Variants in FMN2 observed in about 807,000 individuals in gnomAD.
FMN2 encodes formin 2, also known as formin-2.
Under a neutral mutation model 142.3 loss-of-function variants are expected in FMN2, and 51 were observed. The ratio of observed to expected loss-of-function variants is 0.36; its 90% CI spans 0.29 to 0.45. FMN2 has a LOEUF of 0.45. FMN2 is among the 20% of genes least tolerant of loss of function. The pLI is 1.00. For synonymous variants in FMN2, 882 were observed against 869.8 expected, an observed-to-expected ratio of 1.01 and a Z score of -0.25; for missense variants, 1,936 against 2,122.8, an observed-to-expected ratio of 0.91 and a Z score of 1.73.
At chr1:240,319,226 G>A (rs1292126790) in intron 8 of FMN2, among the ~76,000 whole-genome samples, 1 of 152,140 alleles carries the variant, frequency 6.6e-6, no homozygotes, top group Admixed American at 6.6e-5. Flanking sequence ...AGGATGTAAG[G>A]TTGCCTAGTC....
intron 14 of FMN2, among the ~76,000 whole-genome samples, chr1:240,358,819 C>T (rs934725144): frequency 6.6e-6 from 1 of 152,082 alleles, no homozygotes; most frequent in African/African-American, 2.4e-5. Context: ...GGACACAAAG[C>T]CTAGCCATAT....
intron 14 of FMN2, among the ~76,000 whole-genome samples, chr1:240,359,067 G>A (rs1384640944): frequency 1.3e-5 from 2 of 152,134 alleles, no homozygotes; most frequent in Non-Finnish European, 2.9e-5. Context: ...AGAGGTTGCA[G>A]TGAGCCGAGA....
At position 240,473,235 on chromosome 1, in the gene FMN2, G is replaced by C. The variant is rs1312382743; in HGVS notation, c.5142+782G>C. On this transcript the variant is annotated intron_variant, in intron 17 of 17. Transcript: ENST00000319653. This position sits in a 1 kb window ranked among gnomAD's most constrained non-coding sequence, Gnocchi z 4.3. ...TGGCTCGGCAGAGTTGGCTGCCGGA[G>C]AGTGGTCAGTCCAGAGACGGAGTTT... 1.3e-5 allele frequency among the ~76,000 whole-genome samples: 2 copies of C among 152,174 alleles called. No individual in the cohort carries two copies. Among genetic ancestry groups the C allele is most frequent in the Non-Finnish European group, 2.9e-5 (2 of 68,036 alleles).
In FMN2 at chr1:240,135,662, G is replaced by A. The variant is rs536135508; in HGVS notation, c.1782+12317G>A. Among the ~76,000 whole-genome samples the A allele has an allele frequency of 3.3e-5, 5 of 150,584 alleles. No homozygotes were observed. The South Asian group carries it at 6.3e-4, about 19-fold the overall frequency. On this transcript the variant is annotated intron_variant, in intron 2 of 17. Transcript: ENST00000319653. ...TAATTCTCTGGAATCTATCATTTTC[G>A]AAAGGACTTTGTCATGTTTCTTTTT...
rs530703429 is a variant in FMN2, at chr1:240,279,418, C to CA, written c.4154-15400dup. On this transcript the variant is annotated intron_variant, in intron 7 of 17. Coordinates refer to ENST00000319653, the MANE Select transcript of FMN2 (RefSeq NM_020066.5). Reference sequence around the variant, plus strand: ...AGGAAGAGGTTGGGGTTGGGAAAAGCAAAACTGATAATCTCCTTTGTGAAG... The same window carrying CA: ...AGGAAGAGGTTGGGGTTGGGAAAAGCAAAAACTGATAATCTCCTTTGTGAAG... Among the ~76,000 whole-genome samples, 101 of 152,168 alleles carry CA rather than the reference C, an allele frequency of 6.6e-4. 1 individual carries two copies. Among genetic ancestry groups the CA allele is most frequent in the African/African-American group, 2.4e-3 (101 of 41,522 alleles).
At chr1:240,116,283 C>T (rs551824229) in intron 1 of FMN2, among the ~76,000 whole-genome samples, 2 of 152,158 alleles carry the variant, frequency 1.3e-5, no homozygotes, top group Non-Finnish European at 2.9e-5. Flanking sequence ...AGGTATGGGG[C>T]CCCTTCTTCC....
chr1:240,317,186 C>T (rs113857003), intron 8 of FMN2, among the ~76,000 whole-genome samples: 15,556 of 151,882 alleles, frequency 0.1, 970 homozygotes, highest in African/African-American at 0.17. Context: ...TGTGGTGGCA[C>T]GCACCTGTAG....
At chr1:240,309,786 A>G (rs1670541090) in intron 8 of FMN2, among the ~76,000 whole-genome samples, 1 of 152,098 alleles carries the variant, frequency 6.6e-6, no homozygotes, top group African/African-American at 2.4e-5. Flanking sequence ...TCTCGGATTC[A>G]GTTCTAGAAG....
chr1:240,117,046 C>T (rs1662052403), intron 1 of FMN2, among the ~76,000 whole-genome samples: 1 of 151,724 alleles, frequency 6.6e-6, no homozygotes, highest in Admixed American at 6.6e-5. Flanking sequence ...GTTTGTGTTT[C>T]AGGAGAGAAG....
intron 5 of FMN2, among the ~76,000 whole-genome samples, chr1:240,210,541 C>G (rs947300281): frequency 5.9e-5 from 9 of 152,150 alleles, no homozygotes; most frequent in African/African-American, 2.2e-4. Context: ...GTCATTTTCT[C>G]TAGATATGAC....
chr1:240,244,645 A>G (rs749556089), intron 6 of FMN2, among the ~76,000 whole-genome samples: 82 of 152,202 alleles, frequency 5.4e-4, no homozygotes, highest in Non-Finnish European at 1.0e-3. Flanking sequence ...CAGTTCAACC[A>G]TTATTCAAAT....
chr1:240,364,682 G>A (rs768919599), intron 14 of FMN2, among the ~76,000 whole-genome samples: 3 of 152,084 alleles, frequency 2.0e-5, no homozygotes, highest in Non-Finnish European at 4.4e-5. Context: ...ATTCCATATG[G>A]GAGTCCCTAA....
chr1:240,229,044 C>A lies in FMN2; in HGVS notation c.4065+17809C>A, dbSNP rs569455666. On this transcript the variant is annotated intron_variant, in intron 6 of 17. Transcript: ENST00000319653. ...CTGGGGGATTCTGGTGACTTTCGGA[C>A]ACAGTCACCAGAATCCCCCAGAGAC... 2.3e-3 allele frequency among the ~76,000 whole-genome samples: 347 copies of A among 151,818 alleles called. 1 individual carries two copies. Among genetic ancestry groups the A allele is most frequent in the Middle Eastern group, 0.017 (5 of 294 alleles).
At chr1:240,151,272 T>C (rs1204145833) in intron 2 of FMN2, among the ~76,000 whole-genome samples, 1 of 152,198 alleles carries the variant, frequency 6.6e-6, no homozygotes, top group Non-Finnish European at 1.5e-5. Context: ...TCAGTGCCCA[T>C]TCTAAGCACC....
chr1:240,432,054 T>C (rs1675197328), intron 15 of FMN2, among the ~76,000 whole-genome samples: 1 of 152,014 alleles, frequency 6.6e-6, no homozygotes, highest in Non-Finnish European at 1.5e-5. Flanking sequence ...TTGGCTTTAT[T>C]TCTTCATCAA....
intron 5 of FMN2, 145 bp downstream of exon 5, chr1:240,208,877 A>G: frequency 9.5e-7 from 1 of 1,052,026 alleles, no homozygotes; most frequent in Non-Finnish European, 1.3e-6. Flanking sequence ...TATATAGTGC[A>G]GCAGTTTGCT....
At chr1:240,426,439 GAT>G (rs1264205131) in intron 15 of FMN2, among the ~76,000 whole-genome samples, 2 of 152,104 alleles carry the variant, frequency 1.3e-5, no homozygotes, top group Non-Finnish European at 2.9e-5. Flanking sequence ...CATTTTAAAA[GAT>G]GTGTATAGCT....
intron 8 of FMN2, among the ~76,000 whole-genome samples, chr1:240,296,197 T>TA (rs1669971768): frequency 7.2e-6 from 1 of 139,780 alleles, no homozygotes; most frequent in African/African-American, 2.6e-5. Context: ...GTAGTACTTT[T>TA]TTTTTTTTTT....
At chr1:240,329,569 C>T (rs2103013945) in intron 10 of FMN2, 101 bp downstream of exon 10, 1 of 1,445,156 alleles carries the variant, frequency 6.9e-7, no homozygotes, top group Non-Finnish European at 9.3e-7. Flanking sequence ...TCTAAGTACT[C>T]ACCAAATTTG....
Sources: gnomAD v4.1 joint callset for allele counts (sites outside exome capture counted in the v4.1 genomes callset) on GRCh38, gnomAD v4.1.1 for gene constraint, Gnocchi (gnomAD v3.1) non-coding constraint, MANE v1.5 for transcripts, NCBI Gene and HGNC (gene_info 2026-07-23, HGNC 2026-07-21) for gene names.